NCAM1: variants seen among roughly 807,000 people sequenced by gnomAD.
NCAM1 encodes neural cell adhesion molecule 1, also known as antigen recognized by monoclonal antibody 5.1H11.
Under a neutral mutation model 109.8 loss-of-function variants are expected in NCAM1, and 14 were observed. The observed-to-expected ratio is 0.13, with a 90% CI of 0.08 to 0.20. NCAM1 has a LOEUF of 0.20. NCAM1 is among the 10% of genes least tolerant of loss of function. NCAM1 has a pLI of 1.00. For missense variants in NCAM1, 774 were observed against 1,109.9 expected (o/e 0.70, Z 4.30); for synonymous variants, 418 against 442.9 (o/e 0.94, Z 0.70).
At chr11:113,241,879 A>C (rs1945336959) in intron 14 of NCAM1, among the ~76,000 whole-genome samples, 1 of 152,142 alleles carries the variant, frequency 6.6e-6, no homozygotes, top group African/African-American at 2.4e-5. Flanking sequence ...TTGGACTCAG[A>C]CTCAGGAGGT....
At chr11:113,019,142 G>T (rs1191387782) in intron 1 of NCAM1, among the ~76,000 whole-genome samples, 1 of 152,012 alleles carries the variant, frequency 6.6e-6, no homozygotes, top group Non-Finnish European at 1.5e-5. Flanking sequence ...CTGTGTGTCA[G>T]GACACCTCTG....
chr11:113,119,266 G>T (rs1940844685), intron 1 of NCAM1, among the ~76,000 whole-genome samples: 1 of 152,174 alleles, frequency 6.6e-6, no homozygotes. Flanking sequence ...CCTGCCACAT[G>T]GGAGGGAAAA....
chr11:113,125,106 A>T (rs1591347765), intron 1 of NCAM1, among the ~76,000 whole-genome samples: 2 of 152,342 alleles, frequency 1.3e-5, no homozygotes, highest in East Asian at 3.9e-4. Context: ...TTAGAGCAAT[A>T]TAGGATGCCA....
chr11:113,023,803 C>T (rs1390381466), intron 1 of NCAM1, among the ~76,000 whole-genome samples: 1 of 151,998 alleles, frequency 6.6e-6, no homozygotes, highest in Non-Finnish European at 1.5e-5. Flanking sequence ...TTTAAAATAG[C>T]CTTGCCGAAA....
At chr11:113,205,476 T>G in intron 3 of NCAM1, 47 bp from the exon 4 acceptor site, 1 of 1,580,058 alleles carries the variant, frequency 6.3e-7, no homozygotes, top group Non-Finnish European at 8.6e-7. Flanking sequence ...AGGGGTTCTT[T>G]GTGAGAGAAG....
chr11:112,989,893 G>T (rs1264994020), intron 1 of NCAM1, among the ~76,000 whole-genome samples: 2 of 152,198 alleles, frequency 1.3e-5, no homozygotes, highest in Non-Finnish European at 2.9e-5. Flanking sequence ...ATGCAGTCAA[G>T]ATTTATCTTC....
intron 15 of NCAM1, among the ~76,000 whole-genome samples, chr11:113,250,886 C>T (rs529801875): frequency 1.3e-5 from 2 of 152,368 alleles, no homozygotes; most frequent in East Asian, 3.9e-4. Context: ...CAACCTCCAC[C>T]TCCCATGCTC....
chr11:112,963,949 T>A lies in NCAM1; in HGVS notation c.52+2285T>A, dbSNP rs542334536. Among the ~76,000 whole-genome samples the A allele has an allele frequency of 6.6e-6, 1 of 152,020 alleles. No individual in the cohort carries two copies. On this transcript the variant is annotated intron_variant, in intron 1 of 19. Coordinates refer to ENST00000316851, the MANE Select transcript of NCAM1 (RefSeq NM_181351.5). The surrounding 1 kb of genome is among the most constrained non-coding windows in gnomAD (Gnocchi z 4.6). ...GGAAGAAGGCAGAACGTGAAACACA[T>A]ACAAGGTTGCTTAACAAAAGAAAGA...
At chr11:113,060,177 A>G (rs1317484733) in intron 1 of NCAM1, among the ~76,000 whole-genome samples, 3 of 152,140 alleles carry the variant, frequency 2.0e-5, no homozygotes, top group Non-Finnish European at 2.9e-5. Flanking sequence ...CAATTCAGAA[A>G]CATTTTCAGA....
chr11:113,070,440 C>T (rs1938207507), intron 1 of NCAM1, among the ~76,000 whole-genome samples: 1 of 151,868 alleles, frequency 6.6e-6, no homozygotes, highest in African/African-American at 2.4e-5. Flanking sequence ...GAGAGAGGCA[C>T]GGGGTTGAAG....
chr11:113,267,267 T>C (rs2137732228), intron 17 of NCAM1, among the ~76,000 whole-genome samples: 1 of 152,296 alleles, frequency 6.6e-6, no homozygotes, highest in Middle Eastern at 3.4e-3. Flanking sequence ...AGGATTGTCC[T>C]AGATGCTGGG....
chr11:113,243,338 C>T (rs1021641489), intron 14 of NCAM1, among the ~76,000 whole-genome samples: 1 of 152,170 alleles, frequency 6.6e-6, no homozygotes, highest in Non-Finnish European at 1.5e-5. Context: ...TGACAGCATG[C>T]CCGGCTTTGT....
At chr11:113,200,949 C>G (rs190840772) in intron 1 of NCAM1, among the ~76,000 whole-genome samples, 1 of 152,232 alleles carries the variant, frequency 6.6e-6, no homozygotes, top group Admixed American at 6.5e-5. Context: ...TTCTTCCAAA[C>G]CAGTTTTTGG....
intron 1 of NCAM1, among the ~76,000 whole-genome samples, chr11:113,088,787 C>G (rs1486220816): frequency 3.3e-5 from 5 of 152,092 alleles, no homozygotes; most frequent in African/African-American, 1.2e-4. Flanking sequence ...TAATGAGTTA[C>G]TTTTTGAAAT....
chr11:113,259,384 A>G (rs1555122842), intron 16 of NCAM1, among the ~76,000 whole-genome samples: 1 of 152,190 alleles, frequency 6.6e-6, no homozygotes, highest in Admixed American at 6.5e-5. Context: ...TGGAATCTAC[A>G]CAGTATTCAC....
At chr11:113,263,734 C>T in intron 17 of NCAM1, 4 of 985,498 alleles carry the variant, frequency 4.1e-6, no homozygotes, top group Non-Finnish European at 4.8e-6. Flanking sequence ...GGCCGTGGTT[C>T]AGCAGTGACC....
chr11:113,102,385 T>G (rs1591326339), intron 1 of NCAM1, among the ~76,000 whole-genome samples: 1 of 152,216 alleles, frequency 6.6e-6, no homozygotes, highest in African/African-American at 2.4e-5. Flanking sequence ...ACCATTTCAC[T>G]CCATAGGAAA....
chr11:113,265,759 C>A (rs1946123960), intron 17 of NCAM1, among the ~76,000 whole-genome samples: 1 of 152,148 alleles, frequency 6.6e-6, no homozygotes, highest in South Asian at 2.1e-4. Flanking sequence ...AGAGTCTGAC[C>A]ATCTTCTGGG....
intron 14 of NCAM1, among the ~76,000 whole-genome samples, chr11:113,237,941 T>TATATATAG (rs782784906): frequency 3.5e-3 from 75 of 21,446 alleles, no homozygotes; most frequent in East Asian, 0.019. Flanking sequence ...TATATAGATA[T>TATATATAG]ATATATAGAT....
Sources: allele counts gnomAD v4.1 joint callset (sites outside exome capture counted in the v4.1 genomes callset), GRCh38; gene constraint gnomAD v4.1.1; non-coding constraint Gnocchi (gnomAD v3.1); transcripts MANE v1.5; gene names NCBI Gene and HGNC (gene_info 2026-07-23, HGNC 2026-07-21).